The following RBM47 variants were observed in gnomAD, a reference collection of about 807,000 sequenced individuals.
RBM47 encodes RNA-binding protein 47.
RBM47 carries 21 observed loss-of-function variants against 47.1 expected under a neutral mutation model. The ratio of observed to expected loss-of-function variants is 0.45; its 90% CI spans 0.32 to 0.64. The LOEUF is 0.64. Among genes scored for constraint, RBM47 ranks in the 30% least tolerant of loss-of-function variants. RBM47 has a pLI of 0.05. For synonymous variants in RBM47, 375 were observed against 361.7 expected, an observed-to-expected ratio of 1.04 and a Z score of -0.42; for missense variants, 708 against 870.9, an observed-to-expected ratio of 0.81 and a Z score of 2.35.
At chr4:40,483,232 G>C (rs1009063341) in intron 2 of RBM47, among the ~76,000 whole-genome samples, 7 of 152,164 alleles carry the variant, frequency 4.6e-5, no homozygotes, top group Admixed American at 1.3e-4. Context: ...ATGAGCAAAT[G>C]GTAACTTGGC....
At chr4:40,449,203 G>A (rs1420981160) in intron 3 of RBM47, among the ~76,000 whole-genome samples, 2 of 152,196 alleles carry the variant, frequency 1.3e-5, no homozygotes, top group Admixed American at 6.5e-5. Context: ...TTTGAAACAC[G>A]GGCTCTTTTT....
chr4:40,456,894 C>T (rs569191890), intron 3 of RBM47, among the ~76,000 whole-genome samples: 6 of 152,034 alleles, frequency 3.9e-5, no homozygotes, highest in Admixed American at 6.6e-5. Context: ...CCAACACGCC[C>T]GGCCAGCCTC....
chr4:40,630,638 A>C (rs1220104938), upstream of RBM47: 2 of 152,178 alleles, frequency 1.3e-5, no homozygotes, highest in Non-Finnish European at 2.9e-5. Context: ...AGGGAACAAA[A>C]AAACACTGCA....
chr4:40,519,659 C>CTTTTTT (rs35250968), intron 2 of RBM47, among the ~76,000 whole-genome samples: 2 of 96,290 alleles, frequency 2.1e-5, no homozygotes, highest in Admixed American at 1.3e-4. Flanking sequence ...CCCTACCCTC[C>CTTTTTT]TTTTTTTTTT....
intron 1 of RBM47, among the ~76,000 whole-genome samples, chr4:40,606,926 T>C (rs1194820301): frequency 6.6e-6 from 1 of 151,982 alleles, no homozygotes; most frequent in Non-Finnish European, 1.5e-5. Context: ...GAGGCTGCAG[T>C]GAACTATTAT....
intron 2 of RBM47, among the ~76,000 whole-genome samples, chr4:40,535,371 C>CTTTTTTTTTTTTTTTTTTCT (rs1553897874): frequency 4.8e-5 from 5 of 103,458 alleles, no homozygotes; most frequent in African/African-American, 1.3e-4. Flanking sequence ...TATGGTATTT[C>CTTTTTTTTTTTTTTTTTTCT]TTTTTTTTTT....
chr4:40,556,980 G>A (rs1315541398), intron 1 of RBM47, among the ~76,000 whole-genome samples: 1 of 148,720 alleles, frequency 6.7e-6, no homozygotes, highest in African/African-American at 2.5e-5. Flanking sequence ...TGGGGGGCAC[G>A]TTGGGGGGAG....
intron 1 of RBM47, among the ~76,000 whole-genome samples, chr4:40,578,888 A>C (rs1349157649): frequency 2.0e-5 from 3 of 149,356 alleles, no homozygotes; most frequent in African/African-American, 7.4e-5. Flanking sequence ...GAGGCCAGGG[A>C]GGGCAGATCA....
chr4:40,607,832 C>T (rs1321477300), intron 1 of RBM47, among the ~76,000 whole-genome samples: 2 of 152,032 alleles, frequency 1.3e-5, no homozygotes, highest in South Asian at 4.2e-4. Context: ...CAGCCAGGCG[C>T]GGTGTCTCGT....
intron 1 of RBM47, among the ~76,000 whole-genome samples, chr4:40,561,031 C>T (rs1363484053): frequency 6.6e-6 from 1 of 151,834 alleles, no homozygotes; most frequent in Non-Finnish European, 1.5e-5. Flanking sequence ...CTTAGCACTG[C>T]CTACGTGTCA....
At chr4:40,537,767 T>C (rs780466004) in intron 2 of RBM47, among the ~76,000 whole-genome samples, 1 of 152,142 alleles carries the variant, frequency 6.6e-6, no homozygotes, top group Non-Finnish European at 1.5e-5. Context: ...ATGAAGTCAC[T>C]GGTTGTCTGT....
upstream of RBM47, chr4:40,630,497 G>C (rs1738130444): frequency 6.6e-6 from 1 of 152,256 alleles, no homozygotes; most frequent in East Asian, 1.9e-4. Context: ...CGCGCAGGCA[G>C]GAGCGTCACG....
chr4:40,496,329 AACAC>A (rs10597716), intron 2 of RBM47, among the ~76,000 whole-genome samples: 3,390 of 129,060 alleles, frequency 0.026, 57 homozygotes, highest in African/African-American at 0.055. Flanking sequence ...GGAGAACTTA[AACAC>A]ACACACACAC....
intron 2 of RBM47, among the ~76,000 whole-genome samples, chr4:40,503,424 C>A (rs1441313841): frequency 6.6e-6 from 1 of 152,096 alleles, no homozygotes; most frequent in Non-Finnish European, 1.5e-5. Context: ...GAGTGGGTAC[C>A]AGCAATGCCA....
chr4:40,617,168 G>A (rs1048889264), intron 1 of RBM47, among the ~76,000 whole-genome samples: 11 of 151,968 alleles, frequency 7.2e-5, no homozygotes, highest in East Asian at 3.9e-4. Context: ...GAGACACTGC[G>A]CCTGGCCTCA....
At chr4:40,464,240 T>C (rs1164831558) in intron 3 of RBM47, among the ~76,000 whole-genome samples, 1 of 152,234 alleles carries the variant, frequency 6.6e-6, no homozygotes, top group African/African-American at 2.4e-5. Flanking sequence ...TAAATAATAT[T>C]TAAAGATATG....
intron 1 of RBM47, among the ~76,000 whole-genome samples, chr4:40,587,720 C>A (rs1285773897): frequency 1.3e-5 from 2 of 152,142 alleles, no homozygotes; most frequent in Non-Finnish European, 2.9e-5. Flanking sequence ...GTCATAACAC[C>A]CCTCAAAGGT....
At chr4:40,621,647 A>C (rs1274622749) in intron 1 of RBM47, among the ~76,000 whole-genome samples, 1 of 152,232 alleles carries the variant, frequency 6.6e-6, no homozygotes, top group Non-Finnish European at 1.5e-5. Context: ...CATTAATTAT[A>C]ATTAAATGAC....
Position 40,436,612 on chromosome 4 carries a change from C to G in RBM47, c.1159G>C (p.Gly387Arg). The G allele has an allele frequency of 6.2e-7, 1 of 1,614,190 alleles. No homozygotes were observed. Among genetic ancestry groups the G allele is most frequent in the Non-Finnish European group, 8.5e-7 (1 of 1,180,036 alleles). ...SIRGRGRGAA[G>R]NRAPGPRGSY... ...CCCCTAGGCCCTGGGGCTCTGTTGC[C>G]AGCTGCACCTCGCCCTCGGCCTCTT... The change falls in exon 5 of 7, where the codon GGC becomes CGC. Residue 387 changes from glycine to arginine, a missense_variant. Coordinates refer to ENST00000295971, the MANE Select transcript of RBM47 (RefSeq NM_001098634.2).
Sources: gnomAD v4.1 joint callset for allele counts (sites outside exome capture counted in the v4.1 genomes callset) on GRCh38, gnomAD v4.1.1 for gene constraint, MANE v1.5 for transcripts, NCBI Gene and HGNC (gene_info 2026-07-23, HGNC 2026-07-21) for gene names.